PDE1C: variants seen among roughly 807,000 people sequenced by gnomAD.
PDE1C encodes phosphodiesterase 1C.
In PDE1C, 62 loss-of-function variants were observed where a neutral mutation model predicts 93.1. That is an observed-to-expected ratio of 0.67 (90% CI 0.54 to 0.82). The LOEUF (loss-of-function observed/expected upper bound fraction) is 0.82. Among genes scored for constraint, PDE1C ranks in the 40% least tolerant of loss-of-function variants. The pLI, the probability that PDE1C is intolerant of heterozygous loss-of-function variation, is 0.00. For missense variants in PDE1C, 742 were observed against 884.6 expected (o/e 0.84, Z 2.04); for synonymous variants, 325 against 310.1 (o/e 1.05, Z -0.50).
At chr7:31,815,893 A>C (rs762946698) in intron 15 of PDE1C, 31 bp downstream of exon 15, 3 of 1,487,856 alleles carry the variant, frequency 2.0e-6, no homozygotes, top group African/African-American at 1.4e-5. Flanking sequence ...ATGCCGCGAA[A>C]AGAGCCCTTC....
At chr7:31,769,800 A>T (rs1461940666) in intron 17 of PDE1C, among the ~76,000 whole-genome samples, 2 of 152,138 alleles carry the variant, frequency 1.3e-5, no homozygotes, top group East Asian at 1.9e-4. Context: ...CCACTAATGT[A>T]CTTTCTGTCT....
intron 1 of PDE1C, among the ~76,000 whole-genome samples, chr7:32,379,411 G>C (rs6954786): frequency 0.17 from 26,490 of 152,148 alleles, 3,374 homozygotes; most frequent in African/African-American, 0.36. Context: ...GCTGTGCCTT[G>C]GGATAAAAAA....
intron 7 of PDE1C, among the ~76,000 whole-genome samples, chr7:31,862,972 C>G (rs926283451): frequency 6.6e-6 from 1 of 151,974 alleles, no homozygotes; most frequent in Non-Finnish European, 1.5e-5. Flanking sequence ...TGTGAAATAC[C>G]TATTTTACAT....
chr7:32,417,048 C>T (rs556000709), intron 1 of PDE1C, among the ~76,000 whole-genome samples: 1 of 152,244 alleles, frequency 6.6e-6, no homozygotes, highest in African/African-American at 2.4e-5. Flanking sequence ...AACAACAATG[C>T]TTTTAAATGC....
intron 1 of PDE1C, among the ~76,000 whole-genome samples, chr7:32,064,505 C>T (rs1795153786): frequency 1.3e-5 from 2 of 152,134 alleles, no homozygotes; most frequent in Non-Finnish European, 2.9e-5. Context: ...CCAAATCAGG[C>T]ATCTTCCCCA....
the PDE1C span, among the ~76,000 whole-genome samples, chr7:31,719,177 A>G: frequency 6.6e-6 from 1 of 152,210 alleles, no homozygotes; most frequent in Non-Finnish European, 1.5e-5. Context: ...ATGTTTTGAC[A>G]AGAATGCTTC....
intron 1 of PDE1C, among the ~76,000 whole-genome samples, chr7:32,269,616 ACTACAGGCACATGCCACCATGCCCAT>A (rs1810833643): frequency 6.6e-6 from 1 of 152,020 alleles, no homozygotes; most frequent in Admixed American, 6.6e-5. Context: ...AGTAGCTGGG[ACTACAGGCACATGCCACCATGCCCAT>A]CTAATTTTTG....
At chr7:32,413,241 G>C (rs975762512) in intron 1 of PDE1C, among the ~76,000 whole-genome samples, 2 of 152,132 alleles carry the variant, frequency 1.3e-5, no homozygotes, top group African/African-American at 4.8e-5. Context: ...TGAAAGGATA[G>C]GTAGACAGAT....
the PDE1C span, among the ~76,000 whole-genome samples, chr7:31,621,139 CCTGAAAGTGATGGGGAGAATGGA>C: frequency 2.8e-3 from 427 of 151,618 alleles, 1 homozygote; most frequent in Non-Finnish European, 5.2e-3. Flanking sequence ...GATTGGTGTA[CCTGAAAGTGATGGGGAGAATGGA>C]ACCAAACTGG....
intron 16 of PDE1C, chr7:31,789,649 G>A: frequency 1.0e-6 from 1 of 974,970 alleles, no homozygotes. Context: ...ACAGAAGTGG[G>A]AAAAAAAGCA....
chr7:32,346,377 T>C (rs1181520913), intron 1 of PDE1C, among the ~76,000 whole-genome samples: 1 of 152,216 alleles, frequency 6.6e-6, no homozygotes, highest in East Asian at 1.9e-4. Context: ...AGTTGCCCCT[T>C]GCAAAAGGGA....
At chr7:31,932,668 G>A (rs1804481825) in intron 2 of PDE1C, among the ~76,000 whole-genome samples, 1 of 152,116 alleles carries the variant, frequency 6.6e-6, no homozygotes, top group African/African-American at 2.4e-5. Flanking sequence ...AATTCCTCAA[G>A]GATCTAGAAT....
At chr7:32,072,576 C>A (rs936193770), upstream of PDE1C, among the ~76,000 whole-genome samples, 1 of 152,156 alleles carries the variant, frequency 6.6e-6, no homozygotes, top group African/African-American at 2.4e-5. Flanking sequence ...AGTGTGTGCA[C>A]CTTGGGCAGC....
chr7:31,834,781 TG>T (rs1368841731), intron 11 of PDE1C, among the ~76,000 whole-genome samples: 1 of 152,052 alleles, frequency 6.6e-6, no homozygotes, highest in African/African-American at 2.4e-5. Flanking sequence ...AATGCAGAAA[TG>T]AGTTAAGACT....
At chr7:32,348,869 T>C (rs968016280) in intron 1 of PDE1C, among the ~76,000 whole-genome samples, 1 of 150,660 alleles carries the variant, frequency 6.6e-6, no homozygotes, top group Non-Finnish European at 1.5e-5. Flanking sequence ...TCACCCACAT[T>C]GGCCAACTCT....
At chr7:31,774,768 A>G (rs1475040421) in intron 17 of PDE1C, among the ~76,000 whole-genome samples, 1 of 152,226 alleles carries the variant, frequency 6.6e-6, no homozygotes, top group Admixed American at 6.5e-5. Flanking sequence ...AACTCTACAT[A>G]AAGTATTAAT....
At chr7:32,070,605 C>A, upstream of PDE1C, 2 of 1,419,636 alleles carry the variant, frequency 1.4e-6, no homozygotes, top group South Asian at 3.0e-5. Flanking sequence ...CCGGAGGCAG[C>A]TGCGGGAACC....
chr7:31,838,927 T>C (rs1157150291), intron 9 of PDE1C, among the ~76,000 whole-genome samples: 1 of 151,242 alleles, frequency 6.6e-6, no homozygotes, highest in Non-Finnish European at 1.5e-5. Context: ...TAAAATAGTT[T>C]GAATTTTCTA....
At chr7:32,334,888 T>C (rs1011272766) in intron 1 of PDE1C, among the ~76,000 whole-genome samples, 3 of 152,166 alleles carry the variant, frequency 2.0e-5, no homozygotes, top group African/African-American at 7.2e-5. Context: ...TTAAATGTTT[T>C]GTCTTTCAAA....
Sources: gnomAD v4.1 joint callset for allele counts (sites outside exome capture counted in the v4.1 genomes callset) on GRCh38, gnomAD v4.1.1 for gene constraint, MANE v1.5 for transcripts, NCBI Gene and HGNC (gene_info 2026-07-23, HGNC 2026-07-21) for gene names.